The following ZNF385D variants were observed in gnomAD, a reference collection of about 807,000 sequenced individuals.
The protein encoded by ZNF385D is zinc finger protein 385D.
In ZNF385D, 15 loss-of-function variants were observed where a neutral mutation model predicts 35.8. That is an observed-to-expected ratio of 0.42 (90% CI 0.28 to 0.64). ZNF385D has a LOEUF of 0.64. ZNF385D is among the 30% of genes least tolerant of loss of function. The pLI is 0.23. For missense variants in ZNF385D, 474 were observed against 494.6 expected, an observed-to-expected ratio of 0.96 and a Z score of 0.39; for synonymous variants, 212 against 186.8, an observed-to-expected ratio of 1.13 and a Z score of -1.10.
intron 3 of ZNF385D, among the ~76,000 whole-genome samples, chr3:21,867,049 T>C (rs1162067000): frequency 3.9e-5 from 6 of 152,238 alleles, no homozygotes; most frequent in African/African-American, 1.4e-4. Context: ...GAGAGAAGTC[T>C]GGAGGCTGAA....
At chr3:22,269,013 A>G (rs1701038399) in intron 2 of ZNF385D, among the ~76,000 whole-genome samples, 1 of 151,952 alleles carries the variant, frequency 6.6e-6, no homozygotes, top group African/African-American at 2.4e-5. Flanking sequence ...ATTTTCATAC[A>G]CAATGGTCTA....
At chr3:22,302,029 ATT>A (rs1204492435) in intron 2 of ZNF385D, among the ~76,000 whole-genome samples, 5 of 151,914 alleles carry the variant, frequency 3.3e-5, no homozygotes, top group Non-Finnish European at 7.4e-5. Context: ...TGACATTTAT[ATT>A]GTTTCCATGT....
intron 4 of ZNF385D, among the ~76,000 whole-genome samples, chr3:21,498,184 G>A (rs1364613369): frequency 6.6e-6 from 1 of 152,082 alleles, no homozygotes; most frequent in Non-Finnish European, 1.5e-5. Context: ...ATTGAAATTG[G>A]ATATTTTCCT....
intron 3 of ZNF385D, among the ~76,000 whole-genome samples, chr3:21,796,343 C>T (rs1380890726): frequency 6.6e-6 from 1 of 152,120 alleles, no homozygotes. Flanking sequence ...CACAAGAAAA[C>T]TACAAATCAA....
At chr3:21,942,600 G>A (rs1701575621) in intron 3 of ZNF385D, 1 of 152,216 alleles carries the variant, frequency 6.6e-6, no homozygotes, top group African/African-American at 2.4e-5. Flanking sequence ...TGGGGCATCT[G>A]TGATGAAGTG....
At chr3:22,345,123 A>G (rs1022869012) in intron 2 of ZNF385D, among the ~76,000 whole-genome samples, 2 of 152,218 alleles carry the variant, frequency 1.3e-5, no homozygotes, top group Non-Finnish European at 2.9e-5. Flanking sequence ...TATGTGATAC[A>G]GTATTAACTA....
intron 3 of ZNF385D, among the ~76,000 whole-genome samples, chr3:22,122,871 G>A (rs1287060789): frequency 2.6e-5 from 4 of 152,142 alleles, no homozygotes; most frequent in Non-Finnish European, 4.4e-5. Flanking sequence ...CTTTGCATTG[G>A]CAAAAGATGA....
chr3:21,917,566 GTTCT>G (rs1700250678), intron 3 of ZNF385D, among the ~76,000 whole-genome samples: 1 of 152,122 alleles, frequency 6.6e-6, no homozygotes, highest in South Asian at 2.1e-4. Context: ...TGAAAAGATT[GTTCT>G]TTAAGAGTTT....
chr3:22,168,751 C>G, intron 3 of ZNF385D: 3 of 895,024 alleles, frequency 3.4e-6, no homozygotes, highest in Non-Finnish European at 2.7e-6. Flanking sequence ...ATCCTCACAT[C>G]TGCAGGTACA....
At chr3:21,773,377 A>C (rs1421642091) in intron 3 of ZNF385D, among the ~76,000 whole-genome samples, 1 of 151,978 alleles carries the variant, frequency 6.6e-6, no homozygotes, top group South Asian at 2.1e-4. Context: ...TTTATGATGA[A>C]GACTCCAAAA....
intron 3 of ZNF385D, among the ~76,000 whole-genome samples, chr3:21,853,858 T>C (rs537232005): frequency 6.6e-6 from 1 of 151,956 alleles, no homozygotes; most frequent in Non-Finnish European, 1.5e-5. Flanking sequence ...TTATATACTG[T>C]ATAATTCCAT....
At chr3:22,260,550 T>C (rs1700575919) in intron 2 of ZNF385D, among the ~76,000 whole-genome samples, 1 of 151,892 alleles carries the variant, frequency 6.6e-6, no homozygotes, top group Non-Finnish European at 1.5e-5. Flanking sequence ...TTTTGATAGG[T>C]TGTAAATCAT....
chr3:21,891,604 TAATA>T (rs561824370), intron 3 of ZNF385D, among the ~76,000 whole-genome samples: 9 of 152,308 alleles, frequency 5.9e-5, no homozygotes, highest in African/African-American at 2.2e-4. Flanking sequence ...ACACAGGAAA[TAATA>T]AATATTCATT....
rs544878078 is a variant in ZNF385D, at chr3:21,825,287, T to C, written c.326-160259A>G. Among the ~76,000 whole-genome samples, 60 of 152,314 alleles carry C rather than the reference T, an allele frequency of 3.9e-4. 1 individual carries two copies. The South Asian group carries it at 8.5e-3, about 22-fold the overall frequency. On this transcript the variant is annotated intron_variant, in intron 3 of 5. Transcript: ENST00000494108. ...CTCTATGAAGCTTGCATCTAACTCATGTATCACTTGTTTTCTTACCTACAG... is the reference window on the plus strand; with the variant it reads ...CTCTATGAAGCTTGCATCTAACTCACGTATCACTTGTTTTCTTACCTACAG...
intron 2 of ZNF385D, among the ~76,000 whole-genome samples, chr3:21,595,494 ATATG>A (rs1345680471): frequency 2.1e-5 from 3 of 142,784 alleles, no homozygotes; most frequent in Admixed American, 6.8e-5. Flanking sequence ...TATGTAATAT[ATATG>A]TATGTAATAT....
At chr3:22,090,245 A>G (rs1701261590) in intron 3 of ZNF385D, among the ~76,000 whole-genome samples, 1 of 152,210 alleles carries the variant, frequency 6.6e-6, no homozygotes, top group South Asian at 2.1e-4. Flanking sequence ...CATTTGGGGA[A>G]TATTTTGATT....
intron 3 of ZNF385D, among the ~76,000 whole-genome samples, chr3:21,855,473 C>T (rs1410950040): frequency 1.3e-5 from 2 of 152,006 alleles, no homozygotes; most frequent in East Asian, 3.9e-4. Context: ...CTCGGCATCT[C>T]TACTGTTTTA....
intron 3 of ZNF385D, among the ~76,000 whole-genome samples, chr3:21,761,929 A>C (rs1262285224): frequency 1.8e-5 from 2 of 113,766 alleles, no homozygotes. Flanking sequence ...ACCAGGTTGG[A>C]GTGCAGTGGC....
intron 2 of ZNF385D, among the ~76,000 whole-genome samples, chr3:22,175,843 A>G (rs1325728496): frequency 6.7e-6 from 1 of 150,308 alleles, no homozygotes; most frequent in Admixed American, 6.6e-5. Flanking sequence ...TTCAGTAGTG[A>G]ATCTTCCTCT....
Sources: allele counts gnomAD v4.1 joint callset (sites outside exome capture counted in the v4.1 genomes callset), GRCh38; gene constraint gnomAD v4.1.1; transcripts MANE v1.5; gene names NCBI Gene and HGNC (gene_info 2026-07-23, HGNC 2026-07-21).